TRAPPC8: variants seen among roughly 807,000 people sequenced by gnomAD.
The protein encoded by TRAPPC8 is trafficking protein particle complex subunit 8, also known as general sporulation gene 1 homolog.
TRAPPC8 carries 54 observed loss-of-function variants against 174.3 expected under a neutral mutation model. That is an observed-to-expected ratio of 0.31 (90% CI 0.25 to 0.39). TRAPPC8 has a LOEUF of 0.39. Among genes scored for constraint, TRAPPC8 ranks in the 10% least tolerant of loss-of-function variants. The pLI is 1.00. For missense variants in TRAPPC8, 1,531 were observed against 1,699.1 expected (o/e 0.90, Z 1.74); for synonymous variants, 630 against 579.9 (o/e 1.09, Z -1.24).
chr18:31,924,625 T>C (rs1484228929), intron 2 of TRAPPC8, among the ~76,000 whole-genome samples: 1 of 149,140 alleles, frequency 6.7e-6, no homozygotes, highest in Non-Finnish European at 1.5e-5. Context: ...ATACTAATTT[T>C]TTTAAATCTG....
Position 31,870,916 on chromosome 18 carries a change from A to T in TRAPPC8, c.2257+10T>A, listed in dbSNP as rs758265849. 23 of 1,516,346 alleles carry T rather than the reference A, an allele frequency of 1.5e-5. No individual in the cohort carries two copies. Among genetic ancestry groups the T allele is most frequent in the Non-Finnish European group, 2.0e-5 (23 of 1,125,938 alleles). The allele number at this position is 1,516,346 out of a possible 1,614,324, so 93.9% of individuals were successfully genotyped here. A position where few individuals can be genotyped will look rare whatever the true frequency, so the allele number is the denominator to read the frequency against. ...AATAAAAAACAGAAATAAAAATTCA[A>T]GTATATCACCTTCTACAACTGCAAG... On this transcript the variant is annotated intron_variant, in intron 15 of 28. Transcript: ENST00000283351.
In TRAPPC8 at chr18:31,832,065, G is replaced by A. The variant is rs773498718; in HGVS notation, c.4073+19C>T. The A allele has an allele frequency of 8.9e-6, 13 of 1,459,470 alleles. No homozygotes were observed. The highest frequency in any genetic ancestry group is 1.2e-5 in the Non-Finnish European group (13 of 1,081,334). 90.4% of individuals were successfully genotyped at this position (1,459,470 alleles called of 1,614,324 possible). On this transcript the variant is annotated intron_variant, in intron 28 of 28. Transcript: ENST00000283351. ...AATTGCTCCCAAATCAAATAACCTT[G>A]CACTAAACAAATCTTTACCTTGTTG...
In TRAPPC8 at chr18:31,926,184, T is replaced by C. The variant is rs1045888002; in HGVS notation, c.352+5145A>G. On this transcript the variant is annotated intron_variant, in intron 2 of 28. Transcript: ENST00000283351. ...TCCTTTCCCCCGATTAAAGTATTTT[T>C]TAAAATAACACCACAATTGTATTGT... 3.9e-5 allele frequency among the ~76,000 whole-genome samples: 6 copies of C among 152,314 alleles called. 1 individual carries two copies. Among genetic ancestry groups the C allele is most frequent in the African/African-American group, 1.4e-4 (6 of 41,578 alleles).
At chr18:31,862,044 A>G (rs1463901188) in intron 19 of TRAPPC8, among the ~76,000 whole-genome samples, 2 of 152,014 alleles carry the variant, frequency 1.3e-5, no homozygotes, top group African/African-American at 4.8e-5. Flanking sequence ...TTTTGACCAC[A>G]CAGATCAGAA....
intron 11 of TRAPPC8, 188 bp from the exon 12 acceptor site, chr18:31,891,054 T>G: frequency 2.9e-6 from 1 of 350,566 alleles, no homozygotes; most frequent in Non-Finnish European, 4.9e-6. Context: ...TCTTTTAAGC[T>G]TTGAAAACAT....
At chr18:31,832,239 A>G (rs904907935) in intron 27 of TRAPPC8, 66 bp from the exon 28 acceptor site, 1 of 924,064 alleles carries the variant, frequency 1.1e-6, no homozygotes, top group Non-Finnish European at 1.5e-6. Flanking sequence ...TTTCCTGAAA[A>G]TAACACTTAA....
chr18:31,841,040 G>T (rs944489962), intron 26 of TRAPPC8, among the ~76,000 whole-genome samples: 1 of 151,934 alleles, frequency 6.6e-6, no homozygotes, highest in Non-Finnish European at 1.5e-5. Flanking sequence ...CACAAAATAT[G>T]TAAAAAGCAA....
intron 16 of TRAPPC8, among the ~76,000 whole-genome samples, chr18:31,868,734 GCT>G (rs2034703684): frequency 1.3e-5 from 2 of 151,894 alleles, no homozygotes; most frequent in South Asian, 4.2e-4. Flanking sequence ...ACAAGATCTT[GCT>G]CTGTCTCCCA....
At chr18:31,898,770 T>C (rs1287253718) in intron 10 of TRAPPC8, among the ~76,000 whole-genome samples, 1 of 152,230 alleles carries the variant, frequency 6.6e-6, no homozygotes, top group East Asian at 1.9e-4. Flanking sequence ...TTATCCATTT[T>C]AGAAAAGAAT....
At chr18:31,833,725 T>C (rs1382563960) in intron 27 of TRAPPC8, among the ~76,000 whole-genome samples, 1 of 152,124 alleles carries the variant, frequency 6.6e-6, no homozygotes, top group African/African-American at 2.4e-5. Context: ...ATTCCTAGGC[T>C]GGGCACGGTG....
chr18:31,924,245 A>G (rs1419311108), intron 2 of TRAPPC8, among the ~76,000 whole-genome samples: 2 of 151,668 alleles, frequency 1.3e-5, no homozygotes, highest in Non-Finnish European at 2.9e-5. Context: ...AGGTCGCGCC[A>G]TTGCACTCCA....
intron 19 of TRAPPC8, among the ~76,000 whole-genome samples, chr18:31,859,739 C>T (rs2034226097): frequency 6.6e-6 from 1 of 152,094 alleles, no homozygotes; most frequent in African/African-American, 2.4e-5. Context: ...TTAAGAAGAA[C>T]AAGGCCAGGC....
chr18:31,917,181 C>T (rs144977195), intron 3 of TRAPPC8, among the ~76,000 whole-genome samples: 4 of 152,022 alleles, frequency 2.6e-5, no homozygotes, highest in Non-Finnish European at 5.9e-5. Context: ...TAAAAAATTA[C>T]TAAAAATATC....
chr18:31,942,604 A>G lies in TRAPPC8; in HGVS notation c.157+4T>C. 1 of 1,593,792 alleles carries G rather than the reference A, an allele frequency of 6.3e-7. No individual in the cohort carries two copies. Among genetic ancestry groups the G allele is most frequent in the South Asian group, 1.1e-5 (1 of 89,156 alleles). On this transcript the variant is annotated splice_donor_region_variant and intron_variant, in intron 1 of 28. Coordinates refer to ENST00000283351, the MANE Select transcript of TRAPPC8 (RefSeq NM_014939.5). Reference sequence around the variant, plus strand: ...CCCACTGGAAAAGGGAGGATACCACATACCCTCGGAAGTGAGGCGGGAGAA... The same window carrying G: ...CCCACTGGAAAAGGGAGGATACCACGTACCCTCGGAAGTGAGGCGGGAGAA...
chr18:31,882,268 C>T (rs1197503445), intron 12 of TRAPPC8, among the ~76,000 whole-genome samples: 2 of 152,134 alleles, frequency 1.3e-5, no homozygotes, highest in Non-Finnish European at 2.9e-5. Context: ...GAATATGACA[C>T]GGCCATAAAA....
intron 5 of TRAPPC8, among the ~76,000 whole-genome samples, chr18:31,913,127 C>T (rs77170851): frequency 8.1e-6 from 1 of 123,412 alleles, no homozygotes; most frequent in Non-Finnish European, 1.7e-5. Flanking sequence ...GACTCTGTCT[C>T]AAAAAAAAAA....
intron 15 of TRAPPC8, 121 bp downstream of exon 15, chr18:31,870,805 A>T: frequency 1.0e-6 from 1 of 955,878 alleles, no homozygotes; most frequent in Non-Finnish European, 1.5e-6. Context: ...TCAGTAAATT[A>T]TGAGTTCCTA....
At chr18:31,836,625 A>G (rs2032739162) in intron 27 of TRAPPC8, among the ~76,000 whole-genome samples, 1 of 152,148 alleles carries the variant, frequency 6.6e-6, no homozygotes, top group Admixed American at 6.5e-5. Context: ...TAAAACACAA[A>G]CATTTTTATT....
intron 19 of TRAPPC8, among the ~76,000 whole-genome samples, chr18:31,859,800 G>C (rs749473370): frequency 4.6e-5 from 7 of 152,100 alleles, no homozygotes; most frequent in Non-Finnish European, 8.8e-5. Flanking sequence ...GGCAGATCAC[G>C]AGGTCAGGAG....
Sources: allele counts gnomAD v4.1 joint callset (sites outside exome capture counted in the v4.1 genomes callset), GRCh38; gene constraint gnomAD v4.1.1; transcripts MANE v1.5; gene names NCBI Gene and HGNC (gene_info 2026-07-23, HGNC 2026-07-21).